The following SLC2A13 variants were observed in gnomAD, a reference collection of about 807,000 sequenced individuals.
SLC2A13 encodes the protein proton myo-inositol cotransporter.
Under a neutral mutation model 64.4 loss-of-function variants are expected in SLC2A13, and 32 were observed. The observed-to-expected ratio is 0.50, with a 90% CI of 0.37 to 0.67. The LOEUF is 0.67. Among genes scored for constraint, SLC2A13 ranks in the 30% least tolerant of loss-of-function variants. The pLI is 0.00. For missense variants in SLC2A13, 743 were observed against 829.2 expected (o/e 0.90, Z 1.28); for synonymous variants, 338 against 327.1 (o/e 1.03, Z -0.36).
chr12:40,080,729 T>G (rs1938365036), intron 1 of SLC2A13, among the ~76,000 whole-genome samples: 1 of 152,208 alleles, frequency 6.6e-6, no homozygotes, highest in Non-Finnish European at 1.5e-5. Flanking sequence ...GATGTTAAGA[T>G]TTGATCCTGT....
chr12:39,886,336 T>C (rs1020320502), intron 4 of SLC2A13, among the ~76,000 whole-genome samples: 1 of 152,140 alleles, frequency 6.6e-6, no homozygotes, highest in Admixed American at 6.6e-5. Context: ...TTACACTTGG[T>C]TCATTTCAAT....
chr12:39,838,130 G>A (rs1943069887), intron 6 of SLC2A13, among the ~76,000 whole-genome samples: 2 of 147,244 alleles, frequency 1.4e-5, no homozygotes, highest in East Asian at 2.0e-4. Context: ...AGAAAATGTG[G>A]CACATATACA....
At chr12:40,017,975 T>TA (rs1565591824) in intron 3 of SLC2A13, among the ~76,000 whole-genome samples, 1,224 of 89,116 alleles carry the variant, frequency 0.014, 13 homozygotes, top group African/African-American at 0.052. Context: ...ATGCACATAT[T>TA]TAAAAAAAAA....
At chr12:39,972,445 G>C (rs2136132729) in intron 3 of SLC2A13, among the ~76,000 whole-genome samples, 1 of 152,220 alleles carries the variant, frequency 6.6e-6, no homozygotes, top group South Asian at 2.1e-4. Context: ...AATTAGAAGA[G>C]AACTAATTCA....
intron 7 of SLC2A13, among the ~76,000 whole-genome samples, chr12:39,826,459 T>C (rs1942678545): frequency 2.6e-5 from 4 of 151,550 alleles, no homozygotes; most frequent in Non-Finnish European, 5.9e-5. Flanking sequence ...TTCTGGGTTT[T>C]TTTTTTTGCC....
chr12:39,813,106 A>G (rs990650048), intron 7 of SLC2A13, among the ~76,000 whole-genome samples: 2 of 141,476 alleles, frequency 1.4e-5, no homozygotes, highest in African/African-American at 5.3e-5. Flanking sequence ...CGGCCTCCCA[A>G]TGTGCTGGGA....
intron 4 of SLC2A13, among the ~76,000 whole-genome samples, chr12:39,901,091 G>C (rs1384424783): frequency 6.6e-6 from 1 of 152,128 alleles, no homozygotes; most frequent in African/African-American, 2.4e-5. Context: ...AATGGGGAAA[G>C]GATTCCCTAT....
At chr12:40,063,025 T>C (rs1236864833) in intron 1 of SLC2A13, among the ~76,000 whole-genome samples, 1 of 152,126 alleles carries the variant, frequency 6.6e-6, no homozygotes, top group Admixed American at 6.6e-5. Flanking sequence ...ATATCATTTA[T>C]CCAGCATCTA....
chr12:39,950,856 A>T (rs1946215809), intron 4 of SLC2A13: 2 of 205,518 alleles, frequency 9.7e-6, no homozygotes, highest in Non-Finnish European at 1.9e-5. Flanking sequence ...ACTGTAGTAG[A>T]CTGCACCAAA....
chr12:39,896,245 T>C (rs552574975), intron 4 of SLC2A13, among the ~76,000 whole-genome samples: 8 of 97,970 alleles, frequency 8.2e-5, no homozygotes, highest in East Asian at 3.5e-4. Context: ...TGTATATATG[T>C]ATACATGTAT....
chr12:40,105,613 G>A lies in SLC2A13; in HGVS notation c.196C>T (p.Arg66Cys). Residue 66 changes from arginine to cysteine, a missense_variant, in exon 1 of 10, where the codon CGC becomes TGC. Physicochemically the swap from Arg to Cys is radical, Grantham distance 180. Around this residue, in one of 2 missense-constraint regions of SLC2A13, gnomAD observed 448 missense variants for 447.4 expected, o/e 1.00. Coordinates refer to ENST00000280871, the MANE Select transcript of SLC2A13 (RefSeq NM_052885.4). This position sits in a 1 kb window ranked among gnomAD's most constrained non-coding sequence, Gnocchi z 4.2. ...TGCTGGAACTGCCGCCGCGCCGCGC[G>A]CTCCAGGTCCCCGACGCCGCCGCCG... ...AGGGGVGDLE[R>C]AARRQFQQDE... The A allele has an allele frequency of 1.3e-6, 2 of 1,506,414 alleles. No individual in the cohort carries two copies. Among genetic ancestry groups the A allele is most frequent in the East Asian group, 2.7e-5 (1 of 36,554 alleles). The allele number at this position is 1,506,414 out of a possible 1,614,324, so 93.3% of individuals were successfully genotyped here. A position where few individuals can be genotyped will look rare whatever the true frequency, so the allele number is the denominator to read the frequency against.
rs1481014019 is a variant in SLC2A13 at position 40,023,878 on chromosome 12, A to T, written c.925+4423T>A. 2.6e-5 allele frequency among the ~76,000 whole-genome samples: 4 copies of T among 152,372 alleles called. 1 individual carries two copies. The highest frequency in any genetic ancestry group is 6.8e-3 in the Middle Eastern group (2 of 294). On this transcript the variant is annotated intron_variant, in intron 3 of 9. Transcript: ENST00000280871. ...AATGAAAACTGGAACTATTTAGGAA[A>T]AAAACGGTTTACAGTCAAGTAAAAC... is the stretch of plus-strand genomic sequence containing the variant.
rs60555690 is a variant in SLC2A13 at position 39,883,187 on chromosome 12, T to A, written c.1035-11226A>T. On this transcript the variant is annotated intron_variant, in intron 4 of 9. Coordinates refer to ENST00000280871, the MANE Select transcript of SLC2A13 (RefSeq NM_052885.4). ...AATAAGTAACGCTCATAAGAAAGCA[T>A]TCAAACAATCCAAAGGATTAAAGAA... Among the ~76,000 whole-genome samples, 1,116 of 152,280 alleles carry A rather than the reference T, an allele frequency of 7.3e-3. 9 individuals are homozygous for A. Among genetic ancestry groups the A allele is most frequent in the African/African-American group, 0.026 (1,060 of 41,546 alleles).
chr12:39,969,896 T>C (rs1470268992), intron 3 of SLC2A13, among the ~76,000 whole-genome samples: 5 of 152,314 alleles, frequency 3.3e-5, no homozygotes, highest in Admixed American at 2.6e-4. Flanking sequence ...CTGAAAGGTA[T>C]TGCCTAGGTT....
chr12:39,838,630 A>T (rs1412746939), intron 6 of SLC2A13, among the ~76,000 whole-genome samples: 1 of 152,092 alleles, frequency 6.6e-6, no homozygotes, highest in Non-Finnish European at 1.5e-5. Context: ...AGTAAAAAAG[A>T]GCAGGACAAA....
intron 4 of SLC2A13, among the ~76,000 whole-genome samples, chr12:39,949,223 T>A (rs2136098346): frequency 6.6e-6 from 1 of 152,330 alleles, no homozygotes; most frequent in African/African-American, 2.4e-5. Context: ...TAATGTCTAA[T>A]CCTTTAACCT....
intron 6 of SLC2A13, among the ~76,000 whole-genome samples, chr12:39,834,148 A>G (rs539436032): frequency 6.6e-6 from 1 of 152,124 alleles, no homozygotes; most frequent in East Asian, 1.9e-4. Context: ...TGTCACATAA[A>G]ACTTTGGTTA....
intron 3 of SLC2A13, among the ~76,000 whole-genome samples, chr12:39,986,196 G>A (rs550836179): frequency 1.3e-5 from 2 of 152,062 alleles, no homozygotes; most frequent in Non-Finnish European, 2.9e-5. Context: ...ATTTATATTA[G>A]GAGATGGGGT....
At chr12:40,055,592 A>T (rs891976754) in intron 1 of SLC2A13, among the ~76,000 whole-genome samples, 1 of 152,192 alleles carries the variant, frequency 6.6e-6, no homozygotes, top group Non-Finnish European at 1.5e-5. Flanking sequence ...ATAAAAAGTT[A>T]TTGATTAGTA....
Sources: allele counts gnomAD v4.1 joint callset (sites outside exome capture counted in the v4.1 genomes callset), GRCh38; gene constraint gnomAD v4.1.1; regional missense constraint gnomAD v4.1.1; non-coding constraint Gnocchi (gnomAD v3.1); transcripts MANE v1.5; gene names NCBI Gene and HGNC (gene_info 2026-07-23, HGNC 2026-07-21).